Variants in MMD observed in about 807,000 individuals in gnomAD.
MMD encodes monocyte to macrophage differentiation factor.
MMD carries 22 observed loss-of-function variants against 33.6 expected under a neutral mutation model. The observed-to-expected ratio is 0.66, with a 90% CI of 0.47 to 0.94. The LOEUF is 0.94. MMD is among the 40% of genes least tolerant of loss of function. MMD has a pLI of 0.00. For missense variants in MMD, 242 were observed against 309.8 expected (o/e 0.78, Z 1.64); for synonymous variants, 97 against 103.2 (o/e 0.94, Z 0.36).
Position 55,404,458 on chromosome 17 carries a change from A to G in MMD, c.345-590T>C, listed in dbSNP as rs147199905. Reference sequence around the variant, plus strand: ...ACTCTTATGACGCCTAACTTACCCTATTAGGCAGAATGAGGTCAAAACTGC... The same window carrying G: ...ACTCTTATGACGCCTAACTTACCCTGTTAGGCAGAATGAGGTCAAAACTGC... On this transcript the variant is annotated intron_variant, in intron 4 of 6. Transcript: ENST00000262065. 15 of 984,652 alleles carry G rather than the reference A, an allele frequency of 1.5e-5. No individual in the cohort carries two copies. The African/African-American group carries it at 2.4e-4, about 16-fold the overall frequency. The allele number at this position is 984,652 out of a possible 1,614,324, so 61.0% of individuals were successfully genotyped here. A position where few individuals can be genotyped will look rare whatever the true frequency, so the allele number is the denominator to read the frequency against.
intron 5 of MMD, among the ~76,000 whole-genome samples, chr17:55,403,329 T>C (rs919765281): frequency 3.3e-5 from 5 of 152,206 alleles, no homozygotes; most frequent in Non-Finnish European, 7.4e-5. Flanking sequence ...CCCAACATCC[T>C]TTTTCTCAAG....
chr17:55,420,946 G>C (rs1007543265), intron 1 of MMD, among the ~76,000 whole-genome samples: 3 of 152,174 alleles, frequency 2.0e-5, no homozygotes, highest in Non-Finnish European at 4.4e-5. Flanking sequence ...CCAGCCTTCC[G>C]GTGGCGCCTC....
At chr17:55,405,621 T>TGTAGGTGTTCA (rs1194294450) in intron 4 of MMD, among the ~76,000 whole-genome samples, 2 of 152,220 alleles carry the variant, frequency 1.3e-5, no homozygotes, top group African/African-American at 4.8e-5. Flanking sequence ...TGGAACACCC[T>TGTAGGTGTTCA]GTAGGTTCCT....
Position 55,394,284 on chromosome 17 carries a change from C to A in MMD, c.*50G>T. 7.8e-7 allele frequency: 1 copy of A among 1,282,180 alleles called. No homozygotes were observed. Among genetic ancestry groups the A allele is most frequent in the Non-Finnish European group, 1.0e-6 (1 of 991,306 alleles). 79.4% of individuals were successfully genotyped at this position (1,282,180 alleles called of 1,614,324 possible). A position where few individuals can be genotyped will look rare whatever the true frequency, so the allele number is the denominator to read the frequency against. ...CAATGTTTAGCTCTCACCCCACTCC[C>A]AAGTGCCATAATTGAAATAATACTG... On this transcript the variant is annotated 3_prime_UTR_variant, in exon 7 of 7. Coordinates refer to ENST00000262065, the MANE Select transcript of MMD (RefSeq NM_012329.3).
At chr17:55,418,172 G>A (rs1477015850) in intron 1 of MMD, among the ~76,000 whole-genome samples, 2 of 152,216 alleles carry the variant, frequency 1.3e-5, no homozygotes, top group Non-Finnish European at 2.9e-5. Context: ...CCTAACTGAA[G>A]TATCATTTCA....
At chr17:55,402,093 A>G (rs974229097) in intron 5 of MMD, among the ~76,000 whole-genome samples, 1 of 151,534 alleles carries the variant, frequency 6.6e-6, no homozygotes, top group African/African-American at 2.4e-5. Context: ...GTCTCAAAAA[A>G]AAAAAAAAAA....
intron 1 of MMD, among the ~76,000 whole-genome samples, chr17:55,416,397 T>C (rs1019704793): frequency 2.6e-5 from 4 of 152,048 alleles, no homozygotes; most frequent in African/African-American, 4.8e-5. Flanking sequence ...AAAATAAAAG[T>C]AGAAAGTTAT....
rs1459835571 is a variant in MMD at position 55,403,754 on chromosome 17, T to G, written c.446+13A>C. On this transcript the variant is annotated intron_variant, in intron 5 of 6. Coordinates refer to ENST00000262065, the MANE Select transcript of MMD (RefSeq NM_012329.3). Reference sequence around the variant, plus strand: ...AATTTTAAAACTATCAAATGTAAATTATTTTCTCTTACTTTTCATGGTAGA... The same window carrying G: ...AATTTTAAAACTATCAAATGTAAATGATTTTCTCTTACTTTTCATGGTAGA... The G allele has an allele frequency of 2.5e-6, 4 of 1,587,196 alleles. No homozygotes were observed. The highest frequency in any genetic ancestry group is 3.4e-6 in the Non-Finnish European group (4 of 1,161,524).
At chr17:55,409,126 T>C (rs1907665706) in intron 3 of MMD, among the ~76,000 whole-genome samples, 1 of 152,234 alleles carries the variant, frequency 6.6e-6, no homozygotes, top group Non-Finnish European at 1.5e-5. Context: ...TTCAGTCTAC[T>C]AGTCATCAGA....
rs1217931624 is a variant in MMD, at chr17:55,393,240, AT to A, written c.*1093del. 8.6e-6 allele frequency: 1 copy of A among 116,950 alleles called. No individual in the cohort carries two copies. Among genetic ancestry groups the A allele is most frequent in the African/African-American group, 2.8e-5 (1 of 36,268 alleles). 7.2% of individuals were successfully genotyped at this position (116,950 alleles called of 1,614,324 possible). A position where few individuals can be genotyped will look rare whatever the true frequency, so the allele number is the denominator to read the frequency against. ...CTACCTGTCAAACAATGCTTTAAATATTTTTTCTAGGAAAAAAAAAAAAAAA... is the reference window on the plus strand; with the variant it reads ...CTACCTGTCAAACAATGCTTTAAATATTTTTCTAGGAAAAAAAAAAAAAAA... On this transcript the variant is annotated 3_prime_UTR_variant, in exon 7 of 7. Coordinates refer to ENST00000262065, the MANE Select transcript of MMD (RefSeq NM_012329.3).
At chr17:55,395,855 A>T (rs567074985) in intron 6 of MMD, among the ~76,000 whole-genome samples, 3 of 152,334 alleles carry the variant, frequency 2.0e-5, no homozygotes, top group South Asian at 4.1e-4. Flanking sequence ...TTGTGTGTGT[A>T]TTAGGAGCCC....
intron 2 of MMD, among the ~76,000 whole-genome samples, chr17:55,411,695 GTT>G (rs11362550): frequency 7.6e-4 from 113 of 147,776 alleles, no homozygotes; most frequent in East Asian, 9.8e-4. Flanking sequence ...AAAACAGATG[GTT>G]TTTTTTTTTT....
Position 55,399,625 on chromosome 17 carries a change from C to T in MMD, c.516+1844G>A, listed in dbSNP as rs562135160. Reference sequence around the variant, plus strand: ...CCTCACCCCTACCATCTCTCAGCTTCTACATGTTTTTCCAAATCAGCTGAA... The same window carrying T: ...CCTCACCCCTACCATCTCTCAGCTTTTACATGTTTTTCCAAATCAGCTGAA... On this transcript the variant is annotated intron_variant, in intron 6 of 6. Coordinates refer to ENST00000262065, the MANE Select transcript of MMD (RefSeq NM_012329.3). Among the ~76,000 whole-genome samples the T allele has an allele frequency of 5.3e-5, 8 of 152,354 alleles. 1 individual carries two copies. The highest frequency in any genetic ancestry group is 1.7e-4 in the African/African-American group (7 of 41,578).
chr17:55,417,861 G>T (rs1470526280), intron 1 of MMD, among the ~76,000 whole-genome samples: 2 of 152,150 alleles, frequency 1.3e-5, no homozygotes, highest in Non-Finnish European at 2.9e-5. Context: ...CTTAAAGTCT[G>T]CCTCTGGCTT....
intron 2 of MMD, among the ~76,000 whole-genome samples, chr17:55,413,129 T>C (rs933418946): frequency 6.6e-6 from 1 of 152,216 alleles, no homozygotes; most frequent in Non-Finnish European, 1.5e-5. Context: ...TTAAGGTTTA[T>C]TCAGGTTCAT....
chr17:55,412,853 A>C (rs1448733655), intron 2 of MMD, among the ~76,000 whole-genome samples: 1 of 152,048 alleles, frequency 6.6e-6, no homozygotes, highest in East Asian at 1.9e-4. Context: ...AATGTATTTC[A>C]TTTAAAGGAA....
intron 6 of MMD, among the ~76,000 whole-genome samples, chr17:55,395,545 G>A (rs1369649501): frequency 2.0e-5 from 3 of 152,162 alleles, no homozygotes; most frequent in African/African-American, 4.8e-5. Flanking sequence ...CAAGGCCCTC[G>A]GCTAAAAGCA....
At position 55,394,387 on chromosome 17, in the gene MMD, C is replaced by T. The variant is rs752144932; in HGVS notation, c.664G>A (p.Ala222Thr). The T allele has an allele frequency of 3.4e-6, 5 of 1,462,452 alleles. No individual in the cohort carries two copies. The highest frequency in any genetic ancestry group is 1.5e-5 in the South Asian group (1 of 65,370). The allele number at this position is 1,462,452 out of a possible 1,614,324, so 90.6% of individuals were successfully genotyped here. The change falls in exon 7 of 7, where the codon GCC (alanine) becomes ACC (threonine). Residue 222 changes from alanine (A) to threonine (T), a missense_variant. Coordinates refer to ENST00000262065, the MANE Select transcript of MMD (RefSeq NM_012329.3). ...CTTCGGTAAAGGTATTTCCAAATGGCGTAGTAATGCACTGCAGCTGCCGTG... is the reference window on the plus strand; with the variant it reads ...CTTCGGTAAAGGTATTTCCAAATGGTGTAGTAATGCACTGCAGCTGCCGTG... ...VATAAAVHYY[A>T]IWKYLYRSPT...
At chr17:55,395,374 G>C (rs1000953828) in intron 6 of MMD, among the ~76,000 whole-genome samples, 1 of 152,344 alleles carries the variant, frequency 6.6e-6, no homozygotes. Flanking sequence ...AAAGGAGACA[G>C]GTTCTGCAGA....
Sources: allele counts gnomAD v4.1 joint callset (sites outside exome capture counted in the v4.1 genomes callset), GRCh38; gene constraint gnomAD v4.1.1; transcripts MANE v1.5; gene names NCBI Gene and HGNC (gene_info 2026-07-23, HGNC 2026-07-21).